KCNJ10: variants seen among roughly 807,000 people sequenced by gnomAD.
KCNJ10 encodes potassium inwardly rectifying channel subfamily J member 10, also known as ATP-sensitive inward rectifier potassium channel 10.
A neutral mutation model predicts 22.2 loss-of-function variants in KCNJ10; 9 were observed. The ratio of observed to expected loss-of-function variants is 0.40; its 90% CI spans 0.24 to 0.71. KCNJ10 has a LOEUF of 0.71. Ranked by LOEUF, KCNJ10 falls within the 30% of genes least tolerant of loss-of-function variation. The pLI, the probability that KCNJ10 is intolerant of heterozygous loss-of-function variation, is 0.35. For synonymous variants in KCNJ10, 184 were observed against 187.3 expected (o/e 0.98, Z 0.15); for missense variants, 337 against 482.7 (o/e 0.70, Z 2.83).
chr1:160,055,598 G>A (rs1474778308), intron 1 of KCNJ10, among the ~76,000 whole-genome samples: 1 of 152,128 alleles, frequency 6.6e-6, no homozygotes, highest in Non-Finnish European at 1.5e-5. Flanking sequence ...TCTGCAAAAG[G>A]GGCATAATAA....
At chr1:160,066,104 G>A (rs1284998207) in intron 1 of KCNJ10, among the ~76,000 whole-genome samples, 1 of 152,214 alleles carries the variant, frequency 6.6e-6, no homozygotes, top group African/African-American at 2.4e-5. Context: ...TTGACCGACA[G>A]AAGAAGTCTC....
chr1:160,061,676 G>C (rs1176637946), intron 1 of KCNJ10, among the ~76,000 whole-genome samples: 1 of 148,426 alleles, frequency 6.7e-6, no homozygotes, highest in Non-Finnish European at 1.5e-5. Context: ...TGTCAGAGCA[G>C]CAGAGGGCAG....
chr1:160,048,026 C>G (rs150203562), intron 1 of KCNJ10, among the ~76,000 whole-genome samples: 147 of 152,338 alleles, frequency 9.6e-4, no homozygotes, highest in African/African-American at 3.1e-3. Flanking sequence ...CAGGTGTGAG[C>G]CACTGCACCT....
intron 1 of KCNJ10, chr1:160,067,845 C>G (rs993073762): frequency 6.6e-6 from 1 of 152,144 alleles, no homozygotes; most frequent in Admixed American, 6.5e-5. Flanking sequence ...TGACCCACCC[C>G]CTAGAGCTTT....
rs1379550726 is a variant in KCNJ10 at position 160,043,300 on chromosome 1, CACACACACACACACAA to C, written c.1-784_1-769del. 5.3e-5 allele frequency among the ~76,000 whole-genome samples: 8 copies of C among 150,162 alleles called. No homozygotes were observed. The South Asian group carries it at 6.3e-4, about 12-fold the overall frequency. ...ACACACACACACACACACACACACA[CACACACACACACACAA>C]CCTTAATTTCTTCATTCTCTGCTCT... On this transcript the variant is annotated intron_variant, in intron 1 of 1. Coordinates refer to ENST00000644903, the MANE Select transcript of KCNJ10 (RefSeq NM_002241.5).
Position 160,041,306 on chromosome 1 carries a change from T to A in KCNJ10, c.*87A>T. 1 of 1,334,010 alleles carries A rather than the reference T, an allele frequency of 7.5e-7. No individual in the cohort carries two copies. Among genetic ancestry groups the A allele is most frequent in the Non-Finnish European group, 1.1e-6 (1 of 950,096 alleles). The allele number at this position is 1,334,010 out of a possible 1,614,324, so 82.6% of individuals were successfully genotyped here. A position where few individuals can be genotyped will look rare whatever the true frequency, so the allele number is the denominator to read the frequency against. On this transcript the variant is annotated 3_prime_UTR_variant, in exon 2 of 2. Coordinates refer to ENST00000644903, the MANE Select transcript of KCNJ10 (RefSeq NM_002241.5). This position sits in a 1 kb window ranked among gnomAD's most constrained non-coding sequence, Gnocchi z 4.4. ...AGTGGAGGATGGGTGCTTCGGGGGATCTCCAGTAAACCCGGGTAGTATTCC... is the reference window on the plus strand; with the variant it reads ...AGTGGAGGATGGGTGCTTCGGGGGAACTCCAGTAAACCCGGGTAGTATTCC...
chr1:160,058,483 G>C lies in KCNJ10; in HGVS notation c.-1+11539C>G, dbSNP rs149455045. 6.9e-4 allele frequency among the ~76,000 whole-genome samples: 105 copies of C among 152,306 alleles called. 2 individuals are homozygous for C. The East Asian group carries it at 0.02, about 29-fold the overall frequency. On this transcript the variant is annotated intron_variant, in intron 1 of 1. Coordinates refer to ENST00000644903, the MANE Select transcript of KCNJ10 (RefSeq NM_002241.5). ...AAAGGACAGAGGCAGAAAACTTCAG[G>C]CCTAAGCCAAAACTTGTCCAGAGGC...
In KCNJ10 at chr1:160,041,208, G is replaced by T; in HGVS notation, c.*185C>A. On this transcript the variant is annotated 3_prime_UTR_variant, in exon 2 of 2. Coordinates refer to ENST00000644903, the MANE Select transcript of KCNJ10 (RefSeq NM_002241.5). This position sits in a 1 kb window ranked among gnomAD's most constrained non-coding sequence, Gnocchi z 4.4. ...GGGGCAGAAGCTGGGGAAGTGGAAA[G>T]GGGACAGTGGGAGGCGAACCTGGAC... 3.2e-6 allele frequency: 2 copies of T among 634,098 alleles called. No homozygotes were observed. Among genetic ancestry groups the T allele is most frequent in the Non-Finnish European group, 5.6e-6 (2 of 354,900 alleles). The allele number at this position is 634,098 out of a possible 1,614,324, so 39.3% of individuals were successfully genotyped here.
chr1:160,055,644 G>A (rs963513544), intron 1 of KCNJ10, among the ~76,000 whole-genome samples: 2 of 152,182 alleles, frequency 1.3e-5, no homozygotes, highest in Non-Finnish European at 2.9e-5. Flanking sequence ...GTGATCATAT[G>A]TGTGAGAACA....
At chr1:160,049,675 T>TTC in intron 1 of KCNJ10, among the ~76,000 whole-genome samples, 1 of 47,114 alleles carries the variant, frequency 2.1e-5, no homozygotes, top group Admixed American at 3.2e-4. Flanking sequence ...TTTTATTTAT[T>TTC]TATATATATA....
intron 1 of KCNJ10, among the ~76,000 whole-genome samples, chr1:160,066,874 T>G (rs1459152730): frequency 6.6e-6 from 1 of 152,194 alleles, no homozygotes; most frequent in East Asian, 1.9e-4. Flanking sequence ...GTTGGTTTTT[T>G]TGGTCCAGAA....
intron 1 of KCNJ10, among the ~76,000 whole-genome samples, chr1:160,052,169 G>A (rs977198752): frequency 1.1e-4 from 16 of 152,172 alleles, no homozygotes; most frequent in Admixed American, 7.2e-4. Flanking sequence ...GAGGGATCTG[G>A]AAATGAGATC....
In KCNJ10 at chr1:160,039,388, ACACAC is replaced by A. The variant is rs1212260206; in HGVS notation, c.*2000_*2004del. On this transcript the variant is annotated 3_prime_UTR_variant, in exon 2 of 2. Coordinates refer to ENST00000644903, the MANE Select transcript of KCNJ10 (RefSeq NM_002241.5). ...GGAAGGTATAGACACACACACACAC[ACACAC>A]ACACACACACACACACACACACACA... 3.5e-5 allele frequency: 4 copies of A among 113,844 alleles called. No homozygotes were observed. The highest frequency in any genetic ancestry group is 1.2e-4 in the African/African-American group (4 of 34,642). The allele number at this position is 113,844 out of a possible 1,614,324, so 7.1% of individuals were successfully genotyped here. A position where few individuals can be genotyped will look rare whatever the true frequency, so the allele number is the denominator to read the frequency against.
Position 160,040,794 on chromosome 1 carries a change from C to G in KCNJ10, c.*599G>C, listed in dbSNP as rs1490520572. The G allele has an allele frequency of 5.1e-6, 2 of 394,072 alleles. No homozygotes were observed. The highest frequency in any genetic ancestry group is 9.0e-6 in the Non-Finnish European group (2 of 222,964). 24.4% of individuals were successfully genotyped at this position (394,072 alleles called of 1,614,324 possible). ...CACTTGAGAAACTACAGAGGGAAAA[C>G]AGTGGCGACCATGGTTCTAGCTTAT... On this transcript the variant is annotated 3_prime_UTR_variant, in exon 2 of 2. Coordinates refer to ENST00000644903, the MANE Select transcript of KCNJ10 (RefSeq NM_002241.5).
Position 160,040,723 on chromosome 1 carries a change from C to A in KCNJ10, c.*670G>T, listed in dbSNP as rs1648580646. 1.3e-5 allele frequency: 5 copies of A among 397,732 alleles called. No homozygotes were observed. Among genetic ancestry groups the A allele is most frequent in the Non-Finnish European group, 2.2e-5 (5 of 226,070 alleles). The allele number at this position is 397,732 out of a possible 1,614,324, so 24.6% of individuals were successfully genotyped here. ...TATGTTTCTTGGGCCAACTCCAATT[C>A]TCTGAGAACAGAGGCTATGAGGGAA... On this transcript the variant is annotated 3_prime_UTR_variant, in exon 2 of 2. Transcript: ENST00000644903.
At chr1:160,068,677 C>T (rs955448926) in intron 1 of KCNJ10, among the ~76,000 whole-genome samples, 9 of 152,210 alleles carry the variant, frequency 5.9e-5, no homozygotes, top group Non-Finnish European at 1.0e-4. Flanking sequence ...ACTTGGTCCC[C>T]TATACCCAGT....
At chr1:160,050,481 C>T (rs567023453) in intron 1 of KCNJ10, among the ~76,000 whole-genome samples, 2 of 152,050 alleles carry the variant, frequency 1.3e-5, no homozygotes, top group African/African-American at 2.4e-5. Context: ...AAATTCTAAA[C>T]AAGACAATGG....
chr1:160,046,829 G>A (rs771591673), intron 1 of KCNJ10, among the ~76,000 whole-genome samples: 1 of 152,126 alleles, frequency 6.6e-6, no homozygotes, highest in African/African-American at 2.4e-5. Context: ...CCACCACCCC[G>A]GGGCACCCCC....
chr1:160,067,153 C>G (rs1202031822), intron 1 of KCNJ10, among the ~76,000 whole-genome samples: 3 of 152,198 alleles, frequency 2.0e-5, no homozygotes, highest in African/African-American at 4.8e-5. Flanking sequence ...TTCTCTCTCA[C>G]ATTCCAGAGC....
Sources: allele counts gnomAD v4.1 joint callset (sites outside exome capture counted in the v4.1 genomes callset), GRCh38; gene constraint gnomAD v4.1.1; non-coding constraint Gnocchi (gnomAD v3.1); transcripts MANE v1.5; gene names NCBI Gene and HGNC (gene_info 2026-07-23, HGNC 2026-07-21).